Variants in NRG3 observed in about 807,000 individuals in gnomAD.
NRG3 encodes pro-neuregulin-3, membrane-bound isoform.
A neutral mutation model predicts 66.9 loss-of-function variants in NRG3; 31 were observed. That is an observed-to-expected ratio of 0.46 (90% CI 0.35 to 0.63). The LOEUF is 0.63. NRG3 is among the 20% of genes least tolerant of loss of function. NRG3 has a pLI of 0.00. For synonymous variants in NRG3, 393 were observed against 359.4 expected (o/e 1.09, Z -1.06); for missense variants, 910 against 878.9 (o/e 1.04, Z -0.45).
intron 2 of NRG3, among the ~76,000 whole-genome samples, chr10:82,645,921 T>C (rs74146149): frequency 0.11 from 16,174 of 152,196 alleles, 966 homozygotes; most frequent in East Asian, 0.23. Flanking sequence ...AGCTGTCATA[T>C]TGCAGCTTAA....
intron 1 of NRG3, among the ~76,000 whole-genome samples, chr10:81,994,464 T>C (rs2060856725): frequency 6.6e-6 from 1 of 152,158 alleles, no homozygotes; most frequent in African/African-American, 2.4e-5. Flanking sequence ...TTATCCTCTC[T>C]TCTTTTAAAC....
At chr10:82,155,786 C>A (rs2132862171) in intron 1 of NRG3, among the ~76,000 whole-genome samples, 1 of 151,700 alleles carries the variant, frequency 6.6e-6, no homozygotes, top group South Asian at 2.1e-4. Flanking sequence ...TAAGCATATT[C>A]ATTTAATTTT....
chr10:82,668,039 T>A (rs1419004571), intron 2 of NRG3, among the ~76,000 whole-genome samples: 1 of 152,154 alleles, frequency 6.6e-6, no homozygotes, highest in Non-Finnish European at 1.5e-5. Flanking sequence ...ATCAAGGAAG[T>A]GAAAAATTAA....
chr10:82,561,018 T>A (rs2045005737), intron 2 of NRG3, among the ~76,000 whole-genome samples: 1 of 152,148 alleles, frequency 6.6e-6, no homozygotes, highest in South Asian at 2.1e-4. Context: ...ATTCCTGTTC[T>A]ATAATTTTCT....
intron 2 of NRG3, among the ~76,000 whole-genome samples, chr10:82,414,712 A>C (rs753432789): frequency 6.6e-6 from 1 of 152,180 alleles, no homozygotes; most frequent in Non-Finnish European, 1.5e-5. Flanking sequence ...CCCCCAAGAG[A>C]CAAAACCAAC....
intron 2 of NRG3, among the ~76,000 whole-genome samples, chr10:82,635,430 G>T (rs753184255): frequency 6.6e-6 from 1 of 152,102 alleles, no homozygotes; most frequent in African/African-American, 2.4e-5. Context: ...TGATGGAGTT[G>T]CTGGGCAGGC....
chr10:82,966,320 T>C (rs1417678912), intron 6 of NRG3, among the ~76,000 whole-genome samples: 1 of 152,168 alleles, frequency 6.6e-6, no homozygotes, highest in African/African-American at 2.4e-5. Flanking sequence ...TTTTTTCTTT[T>C]TATGATGACC....
At chr10:82,592,154 T>C (rs767609477) in intron 2 of NRG3, among the ~76,000 whole-genome samples, 4 of 152,182 alleles carry the variant, frequency 2.6e-5, no homozygotes, top group Admixed American at 6.5e-5. Context: ...CAGTGAAACA[T>C]AAGATTATTT....
At chr10:82,422,355 A>G (rs1366064804) in intron 2 of NRG3, among the ~76,000 whole-genome samples, 3 of 152,076 alleles carry the variant, frequency 2.0e-5, no homozygotes, top group South Asian at 2.1e-4. Flanking sequence ...TTTGTAATGT[A>G]TTAATATGCA....
chr10:82,606,933 A>G (rs748415251), intron 2 of NRG3, among the ~76,000 whole-genome samples: 7 of 152,090 alleles, frequency 4.6e-5, no homozygotes, highest in Non-Finnish European at 8.8e-5. Flanking sequence ...TTCTTGACCA[A>G]TCAGCAATCC....
At chr10:82,013,296 G>C (rs1051239850) in intron 1 of NRG3, among the ~76,000 whole-genome samples, 2 of 152,044 alleles carry the variant, frequency 1.3e-5, no homozygotes, top group African/African-American at 4.8e-5. Context: ...AACAGTATGG[G>C]GGAAACCACT....
chr10:82,337,190 A>G (rs1342296954), intron 1 of NRG3, among the ~76,000 whole-genome samples: 1 of 152,150 alleles, frequency 6.6e-6, no homozygotes, highest in African/African-American at 2.4e-5. Context: ...GCTTCTGGCA[A>G]CCACTAATTT....
Position 82,911,887 on chromosome 10 carries a change from C to T in NRG3, c.1055-39582C>T, listed in dbSNP as rs1316041367. 2.6e-5 allele frequency among the ~76,000 whole-genome samples: 4 copies of T among 151,792 alleles called. 1 individual carries two copies. Among genetic ancestry groups the T allele is most frequent in the South Asian group, 4.2e-4 (2 of 4,814 alleles). ...TATTCATTAAATATTATAAATTTCC[C>T]TCTAAGAACTGCTTTTGTTGCATTG... On this transcript the variant is annotated intron_variant, in intron 4 of 8. Transcript: ENST00000372141.
chr10:82,736,747 C>G (rs2058172618), intron 2 of NRG3, among the ~76,000 whole-genome samples: 1 of 152,194 alleles, frequency 6.6e-6, no homozygotes, highest in African/African-American at 2.4e-5. Context: ...ACAAAGAACA[C>G]TTAAAAAGCA....
intron 4 of NRG3, among the ~76,000 whole-genome samples, chr10:82,875,646 A>G (rs934600097): frequency 1.3e-5 from 2 of 152,136 alleles, no homozygotes; most frequent in African/African-American, 2.4e-5. Flanking sequence ...GCGTGAGCCA[A>G]CGTGCCTGGC....
chr10:82,784,913 C>T lies in NRG3; in HGVS notation c.1027+46263C>T, dbSNP rs2060280843. ...ATAAAGACACATGCACACGTATGTT[C>T]ATTTCATCACTATTCACAATAGCAA... On this transcript the variant is annotated intron_variant, in intron 3 of 8. Transcript: ENST00000372141. 2.0e-5 allele frequency among the ~76,000 whole-genome samples: 3 copies of T among 152,232 alleles called. 1 individual carries two copies. In the South Asian group the frequency reaches 6.2e-4, roughly 32 times the overall value.
intron 1 of NRG3, among the ~76,000 whole-genome samples, chr10:82,136,926 TGG>T (rs2069405743): frequency 6.6e-6 from 1 of 152,202 alleles, no homozygotes; most frequent in Non-Finnish European, 1.5e-5. Flanking sequence ...TGGCTGCTGC[TGG>T]GAGATGAGAG....
At chr10:82,825,951 C>T (rs1186143461) in intron 3 of NRG3, among the ~76,000 whole-genome samples, 2 of 152,108 alleles carry the variant, frequency 1.3e-5, no homozygotes, top group South Asian at 2.1e-4. Flanking sequence ...GTACATTTAG[C>T]GTACATTGTG....
chr10:82,290,923 G>A (rs559779635), intron 1 of NRG3, among the ~76,000 whole-genome samples: 61 of 151,910 alleles, frequency 4.0e-4, no homozygotes, highest in African/African-American at 1.4e-3. Context: ...GATTACAGGC[G>A]TGAGCCACCG....
Sources: gnomAD v4.1 joint callset for allele counts (sites outside exome capture counted in the v4.1 genomes callset) on GRCh38, gnomAD v4.1.1 for gene constraint, MANE v1.5 for transcripts, NCBI Gene and HGNC (gene_info 2026-07-23, HGNC 2026-07-21) for gene names.